PTPRM: variants seen among roughly 807,000 people sequenced by gnomAD.
PTPRM encodes the protein protein tyrosine phosphatase receptor type M.
PTPRM carries 47 observed loss-of-function variants against 186.7 expected under a neutral mutation model. That is an observed-to-expected ratio of 0.25 (90% CI 0.20 to 0.32). The LOEUF is 0.32. Ranked by LOEUF, PTPRM falls within the 10% of genes least tolerant of loss-of-function variation. PTPRM has a pLI of 1.00. For missense variants in PTPRM, 1,494 were observed against 1,865.0 expected, an observed-to-expected ratio of 0.80 and a Z score of 3.66; for synonymous variants, 668 against 674.9, an observed-to-expected ratio of 0.99 and a Z score of 0.16.
chr18:7,579,030 T>C (rs1567964805), intron 1 of PTPRM, among the ~76,000 whole-genome samples: 1 of 152,204 alleles, frequency 6.6e-6, no homozygotes, highest in Admixed American at 6.5e-5. Context: ...CTTTGATAGT[T>C]GTGGTGCTGG....
chr18:8,015,191 C>T (rs2084780546), intron 7 of PTPRM, among the ~76,000 whole-genome samples: 1 of 152,088 alleles, frequency 6.6e-6, no homozygotes, highest in South Asian at 2.1e-4. Context: ...TACCCTAACA[C>T]AAAGGTGTAT....
intron 12 of PTPRM, among the ~76,000 whole-genome samples, chr18:8,114,192 A>G (rs1380666823): frequency 3.3e-5 from 5 of 152,152 alleles, no homozygotes; most frequent in Non-Finnish European, 7.4e-5. Context: ...TCTACTTCCT[A>G]TACTTTGACT....
chr18:7,683,021 A>G (rs766301543), intron 1 of PTPRM, among the ~76,000 whole-genome samples: 11 of 152,096 alleles, frequency 7.2e-5, no homozygotes, highest in Admixed American at 1.3e-4. Flanking sequence ...CTGCTGTGTA[A>G]TGTTTAGCCC....
At chr18:8,179,977 G>A (rs2093551498) in intron 14 of PTPRM, among the ~76,000 whole-genome samples, 1 of 152,204 alleles carries the variant, frequency 6.6e-6, no homozygotes, top group Non-Finnish European at 1.5e-5. Context: ...TGAGTCCTGT[G>A]TAGGGAAAGC....
intron 23 of PTPRM, among the ~76,000 whole-genome samples, chr18:8,351,311 G>T (rs2095532856): frequency 6.6e-6 from 1 of 152,122 alleles, no homozygotes; most frequent in African/African-American, 2.4e-5. Flanking sequence ...GAATCAGAAG[G>T]CCTTGGCTCT....
intron 19 of PTPRM, among the ~76,000 whole-genome samples, chr18:8,258,679 A>G (rs1270810747): frequency 1.3e-5 from 2 of 152,278 alleles, no homozygotes; most frequent in Admixed American, 6.5e-5. Flanking sequence ...ATGTTTTGCT[A>G]TAACTGTAAA....
At chr18:8,195,537 A>C (rs866912039) in intron 14 of PTPRM, among the ~76,000 whole-genome samples, 2 of 152,238 alleles carry the variant, frequency 1.3e-5, no homozygotes, top group African/African-American at 4.8e-5. Flanking sequence ...GTATCTGTAC[A>C]CTATGGGATA....
intron 32 of PTPRM, chr18:8,403,583 AAATCCCCTTTT>A (rs1371815140): frequency 3.9e-5 from 6 of 152,206 alleles, no homozygotes; most frequent in African/African-American, 1.4e-4. Flanking sequence ...AAATAAAAAA[AAATCCCCTTTT>A]AAAGTGTGTC....
chr18:8,354,514 G>A (rs961749496), intron 23 of PTPRM, among the ~76,000 whole-genome samples: 1 of 152,222 alleles, frequency 6.6e-6, no homozygotes, highest in Non-Finnish European at 1.5e-5. Context: ...GAGCAAGGTA[G>A]AGAGAAAGAA....
At chr18:8,118,538 G>A (rs369102837) in intron 13 of PTPRM, among the ~76,000 whole-genome samples, 4 of 152,070 alleles carry the variant, frequency 2.6e-5, no homozygotes, top group African/African-American at 7.2e-5. Flanking sequence ...GGTGGCTCAC[G>A]CCTGTAATCC....
intron 7 of PTPRM, among the ~76,000 whole-genome samples, chr18:8,049,710 G>GC (rs2087330836): frequency 6.9e-6 from 1 of 145,978 alleles, no homozygotes; most frequent in African/African-American, 2.5e-5. Flanking sequence ...AGTCTGTGAG[G>GC]TTTTTTTTTT....
intron 3 of PTPRM, among the ~76,000 whole-genome samples, chr18:7,889,928 T>G (rs1034504212): frequency 3.3e-5 from 5 of 152,190 alleles, no homozygotes; most frequent in Non-Finnish European, 7.4e-5. Flanking sequence ...CTGTTTAAAG[T>G]AACTGAAGGG....
intron 26 of PTPRM, 84 bp from the exon 27 acceptor site, chr18:8,378,181 G>C: frequency 7.2e-7 from 1 of 1,385,096 alleles, no homozygotes; most frequent in Non-Finnish European, 1.0e-6. Flanking sequence ...CCACTCTCTT[G>C]ATGATGTGGG....
At chr18:8,078,950 G>A (rs1471403067) in intron 9 of PTPRM, among the ~76,000 whole-genome samples, 1 of 152,064 alleles carries the variant, frequency 6.6e-6, no homozygotes, top group African/African-American at 2.4e-5. Flanking sequence ...TCCAACATTG[G>A]GAATCTCATT....
At chr18:7,961,501 T>C (rs1275650837) in intron 7 of PTPRM, among the ~76,000 whole-genome samples, 3 of 152,266 alleles carry the variant, frequency 2.0e-5, no homozygotes, top group African/African-American at 7.2e-5. Context: ...TTGTTTCATA[T>C]AATTCTTTGT....
At chr18:8,308,284 T>C (rs923059209) in intron 20 of PTPRM, among the ~76,000 whole-genome samples, 7 of 152,212 alleles carry the variant, frequency 4.6e-5, no homozygotes, top group African/African-American at 1.7e-4. Flanking sequence ...TGGCTACAGC[T>C]AGGCATCTGC....
chr18:8,189,118 T>A (rs1325481031), intron 14 of PTPRM, among the ~76,000 whole-genome samples: 2 of 151,942 alleles, frequency 1.3e-5, no homozygotes, highest in Non-Finnish European at 2.9e-5. Flanking sequence ...CTGGGCAATA[T>A]GACAAGACCC....
chr18:7,746,134 T>A (rs540332475), intron 1 of PTPRM, among the ~76,000 whole-genome samples: 21 of 152,258 alleles, frequency 1.4e-4, no homozygotes, highest in African/African-American at 5.1e-4. Flanking sequence ...AGCAGAAATT[T>A]GGGAAAATTA....
intron 1 of PTPRM, among the ~76,000 whole-genome samples, chr18:7,594,602 C>A (rs2037209696): frequency 6.6e-6 from 1 of 152,110 alleles, no homozygotes; most frequent in Admixed American, 6.5e-5. Flanking sequence ...CGCCTGCTGT[C>A]CTGCAGAAGG....
Sources: gnomAD v4.1 joint callset for allele counts (sites outside exome capture counted in the v4.1 genomes callset) on GRCh38, gnomAD v4.1.1 for gene constraint, MANE v1.5 for transcripts, NCBI Gene and HGNC (gene_info 2026-07-23, HGNC 2026-07-21) for gene names.